Variants in EBF4 observed in about 807,000 individuals in gnomAD.
EBF4 encodes EBF transcription factor 4, also known as transcription factor COE4.
EBF4 carries 34 observed loss-of-function variants against 67.1 expected under a neutral mutation model. The ratio of observed to expected loss-of-function variants is 0.51; its 90% CI spans 0.39 to 0.67. The LOEUF (loss-of-function observed/expected upper bound fraction) is 0.67, where lower values mean the gene tolerates loss of function less well. EBF4 is among the 30% of genes least tolerant of loss of function. EBF4 has a pLI of 0.00. For missense variants in EBF4, 837 were observed against 873.3 expected (o/e 0.96, Z 0.52); for synonymous variants, 387 against 377.7 (o/e 1.02, Z -0.29).
chr20:2,710,900 G>T (rs1295378252), intron 6 of EBF4, among the ~76,000 whole-genome samples: 2 of 152,148 alleles, frequency 1.3e-5, no homozygotes, highest in Non-Finnish European at 2.9e-5. Context: ...CCAACACTTT[G>T]GGAGGCTGAG....
chr20:2,748,427 C>A, intron 6 of EBF4, 122 bp from the exon 7 acceptor site: 1 of 887,594 alleles, frequency 1.1e-6, no homozygotes, highest in Non-Finnish European at 1.7e-6. Flanking sequence ...GGGATGTGTG[C>A]CTGAGTGGGA....
chr20:2,703,386 T>C (rs956586754), intron 1 of EBF4, among the ~76,000 whole-genome samples: 17 of 150,992 alleles, frequency 1.1e-4, no homozygotes, highest in African/African-American at 3.9e-4. Context: ...CAGTGAGCTA[T>C]GATCACGCCA....
intron 6 of EBF4, among the ~76,000 whole-genome samples, chr20:2,738,470 A>G (rs2087921471): frequency 6.6e-6 from 1 of 152,112 alleles, no homozygotes; most frequent in African/African-American, 2.4e-5. Flanking sequence ...CAGGCTTGAG[A>G]GGACTTGTGT....
chr20:2,710,096 T>C (rs970478084), intron 6 of EBF4, among the ~76,000 whole-genome samples: 2 of 152,206 alleles, frequency 1.3e-5, no homozygotes, highest in African/African-American at 2.4e-5. Flanking sequence ...GTTTCAGTCA[T>C]AGAATTGTCG....
At chr20:2,733,021 C>T (rs372424235) in intron 6 of EBF4, among the ~76,000 whole-genome samples, 1 of 152,164 alleles carries the variant, frequency 6.6e-6, no homozygotes, top group Non-Finnish European at 1.5e-5. Context: ...ACTGTCTTGT[C>T]TTGTTTCATT....
rs572218371 is a variant in EBF4, at chr20:2,707,272, G to T, written c.415-675G>T. 7.2e-5 allele frequency among the ~76,000 whole-genome samples: 11 copies of T among 152,204 alleles called. No homozygotes were observed. In the South Asian group the frequency reaches 2.3e-3, roughly 32 times the overall value. On this transcript the variant is annotated intron_variant, in intron 4 of 16. Coordinates refer to ENST00000609451, the Ensembl canonical transcript of EBF4. This position sits in a 1 kb window ranked among gnomAD's most constrained non-coding sequence, Gnocchi z 4.6. Reference sequence around the variant, plus strand: ...GTTCGAGGAAGTCCACAGAGAGAGGGATCCCACAAATGGGGGAAGGCACAG... The same window carrying T: ...GTTCGAGGAAGTCCACAGAGAGAGGTATCCCACAAATGGGGGAAGGCACAG...
At chr20:2,715,485 G>A (rs80151839) in intron 6 of EBF4, among the ~76,000 whole-genome samples, 2,799 of 152,238 alleles carry the variant, frequency 0.018, 57 homozygotes, top group Middle Eastern at 0.065. Flanking sequence ...ATATAAACTA[G>A]GTCAGGAATT....
At position 2,745,743 on chromosome 20, in the gene EBF4, C is replaced by T. The variant is rs2088040407; in HGVS notation, c.558-2806C>T. Among the ~76,000 whole-genome samples, 1 of 152,142 alleles carries T rather than the reference C, an allele frequency of 6.6e-6. No individual in the cohort carries two copies. The highest frequency in any genetic ancestry group is 6.5e-5 in the Admixed American group (1 of 15,276). ...AGAAGGTGTCACGGCAGCCGTCAATCGCTACTCTCCCTTCATGGGTGTGGA... is the reference window on the plus strand; with the variant it reads ...AGAAGGTGTCACGGCAGCCGTCAATTGCTACTCTCCCTTCATGGGTGTGGA... On this transcript the variant is annotated intron_variant, in intron 6 of 16. Transcript: ENST00000609451. The surrounding 1 kb of genome is among the most constrained non-coding windows in gnomAD (Gnocchi z 5.2).
intron 6 of EBF4, among the ~76,000 whole-genome samples, chr20:2,735,976 G>A (rs1380938819): frequency 1.3e-5 from 2 of 152,188 alleles, no homozygotes; most frequent in Non-Finnish European, 2.9e-5. Flanking sequence ...AAAATATTCT[G>A]TACCAACCAA....
At chr20:2,753,812 G>A (rs373823933) in intron 14 of EBF4, among the ~76,000 whole-genome samples, 111 of 152,334 alleles carry the variant, frequency 7.3e-4, no homozygotes, top group African/African-American at 2.6e-3. Context: ...GGGACCCAAG[G>A]CCCCATAAGC....
At position 2,707,927 on chromosome 20, in the gene EBF4, G is replaced by A. The variant is rs1350380961; in HGVS notation, c.415-20G>A. 4.4e-6 allele frequency: 7 copies of A among 1,576,840 alleles called. No individual in the cohort carries two copies. Among genetic ancestry groups the A allele is most frequent in the Middle Eastern group, 1.7e-4 (1 of 6,002 alleles). On this transcript the variant is annotated intron_variant, in intron 4 of 16. Coordinates refer to ENST00000609451, the Ensembl canonical transcript of EBF4. This position sits in a 1 kb window ranked among gnomAD's most constrained non-coding sequence, Gnocchi z 4.6. Reference sequence around the variant, plus strand: ...GAGGAGCCTCCTTCCCCTCCAGCCTGTGCACCTCCCTCTCCCCAGGCCATC... The same window carrying A: ...GAGGAGCCTCCTTCCCCTCCAGCCTATGCACCTCCCTCTCCCCAGGCCATC...
chr20:2,706,741 C>G (rs1364801239), intron 4 of EBF4, among the ~76,000 whole-genome samples: 4 of 152,192 alleles, frequency 2.6e-5, no homozygotes, highest in Non-Finnish European at 5.9e-5. Flanking sequence ...CATTTTCAGA[C>G]CAGGCAGTTC....
In EBF4 at chr20:2,707,319, A is replaced by G. The variant is rs996699711; in HGVS notation, c.415-628A>G. On this transcript the variant is annotated intron_variant, in intron 4 of 16. Transcript: ENST00000609451. This position sits in a 1 kb window ranked among gnomAD's most constrained non-coding sequence, Gnocchi z 4.6. The stretch of plus-strand genomic sequence containing the variant: ...ACAGAGGGTTATAAACTAGGAAGGC[A>G]GATTTGCAGTTAGGAAGCTCACTTC... 6.6e-6 allele frequency among the ~76,000 whole-genome samples: 1 copy of G among 152,150 alleles called. No individual in the cohort carries two copies. Among genetic ancestry groups the G allele is most frequent in the African/African-American group, 2.4e-5 (1 of 41,424 alleles).
intron 6 of EBF4, among the ~76,000 whole-genome samples, chr20:2,722,733 C>T (rs1211959889): frequency 1.3e-5 from 2 of 152,166 alleles, no homozygotes; most frequent in Non-Finnish European, 2.9e-5. Flanking sequence ...TGTGTAATAT[C>T]TATTGTCTTG....
At chr20:2,759,605 G>A (rs2088295946), downstream of EBF4, 1 of 153,596 alleles carries the variant, frequency 6.5e-6, no homozygotes, top group South Asian at 2.0e-4. Flanking sequence ...GGGTTGTTGA[G>A]TGAGGGGAGC....
At chr20:2,708,052 C>T (rs1245723442) in intron 5 of EBF4, 32 bp downstream of exon 5, 7 of 1,585,088 alleles carry the variant, frequency 4.4e-6, no homozygotes, top group Non-Finnish European at 1.7e-6. Flanking sequence ...CACCTCACCC[C>T]TCTGCCAAGG....
chr20:2,733,066 G>C (rs1246452425), intron 6 of EBF4, among the ~76,000 whole-genome samples: 1 of 152,106 alleles, frequency 6.6e-6, no homozygotes, highest in Admixed American at 6.5e-5. Flanking sequence ...ATTTCTTGTA[G>C]GACAAACCTG....
At chr20:2,708,130 G>T in intron 5 of EBF4, 110 bp downstream of exon 5, 1 of 1,126,456 alleles carries the variant, frequency 8.9e-7, no homozygotes, top group Non-Finnish European at 1.2e-6. Context: ...CTCTGCTGCT[G>T]CTCCCTGGAG....
In EBF4 at chr20:2,693,583, C is replaced by A. The variant is rs2087242880; in HGVS notation, c.-63C>A. 2.3e-6 allele frequency: 3 copies of A among 1,323,302 alleles called. No homozygotes were observed. The highest frequency in any genetic ancestry group is 2.0e-5 in the South Asian group (1 of 50,502). The allele number at this position is 1,323,302 out of a possible 1,614,324, so 82.0% of individuals were successfully genotyped here. ...TGCCGTCGGGTCGGGCTGAGCTAGA[C>A]GCCCGCAGCCTCAGCGGGACCGGAT... On this transcript the variant is annotated 5_prime_UTR_variant, in exon 1 of 17. Coordinates refer to ENST00000609451, the Ensembl canonical transcript of EBF4. This position sits in a 1 kb window ranked among gnomAD's most constrained non-coding sequence, Gnocchi z 4.6.
Sources: allele counts gnomAD v4.1 joint callset (sites outside exome capture counted in the v4.1 genomes callset), GRCh38; gene constraint gnomAD v4.1.1; non-coding constraint Gnocchi (gnomAD v3.1); transcripts MANE v1.5; gene names NCBI Gene and HGNC (gene_info 2026-07-23, HGNC 2026-07-21).